ASTN2: variants seen among roughly 807,000 people sequenced by gnomAD.
The protein encoded by ASTN2 is astrotactin 2.
Under a neutral mutation model 139.8 loss-of-function variants are expected in ASTN2, and 54 were observed. The observed-to-expected ratio is 0.39, with a 90% CI of 0.31 to 0.48. The LOEUF is 0.48. Ranked by LOEUF, ASTN2 falls within the 20% of genes least tolerant of loss-of-function variation. The pLI is 0.95. For synonymous variants in ASTN2, 756 were observed against 719.5 expected (o/e 1.05, Z -0.81); for missense variants, 1,565 against 1,725.1 (o/e 0.91, Z 1.64).
At chr9:116,683,974 T>C (rs1488169187) in intron 16 of ASTN2, among the ~76,000 whole-genome samples, 2 of 152,204 alleles carry the variant, frequency 1.3e-5, no homozygotes, top group African/African-American at 4.8e-5. Flanking sequence ...CCTCAGACCT[T>C]GTCTATAGTC....
intron 17 of ASTN2, among the ~76,000 whole-genome samples, chr9:116,624,634 C>T (rs1014677099): frequency 2.6e-5 from 4 of 152,100 alleles, no homozygotes; most frequent in Non-Finnish European, 5.9e-5. Flanking sequence ...AATTAAATTC[C>T]ACACTCTATA....
At chr9:117,230,667 G>T (rs1260127927) in intron 2 of ASTN2, among the ~76,000 whole-genome samples, 1 of 152,156 alleles carries the variant, frequency 6.6e-6, no homozygotes. Context: ...GCAACCCATA[G>T]TAAGTGAACC....
intron 6 of ASTN2, among the ~76,000 whole-genome samples, chr9:117,026,757 T>C (rs1046562635): frequency 1.3e-5 from 2 of 152,148 alleles, no homozygotes; most frequent in African/African-American, 4.8e-5. Flanking sequence ...TACTGGGGAT[T>C]ACAAAGGAAC....
At chr9:117,034,241 C>A (rs147436783) in intron 6 of ASTN2, among the ~76,000 whole-genome samples, 267 of 152,244 alleles carry the variant, frequency 1.8e-3, no homozygotes, top group African/African-American at 6.2e-3. Flanking sequence ...CATTGGGAAC[C>A]TCAGTAGATG....
At chr9:117,353,898 T>A (rs1436135890) in intron 1 of ASTN2, among the ~76,000 whole-genome samples, 1 of 152,092 alleles carries the variant, frequency 6.6e-6, no homozygotes, top group Non-Finnish European at 1.5e-5. Flanking sequence ...TGGGTTAGCA[T>A]GAAGGGAAGG....
intron 5 of ASTN2, among the ~76,000 whole-genome samples, chr9:117,068,322 A>G (rs374642579): frequency 1.5e-5 from 1 of 65,230 alleles, no homozygotes; most frequent in Admixed American, 1.5e-4. Flanking sequence ...ATTGATTTGC[A>G]TATATTGAAC....
At chr9:117,411,663 G>A (rs1831164847) in intron 1 of ASTN2, among the ~76,000 whole-genome samples, 1 of 152,050 alleles carries the variant, frequency 6.6e-6, no homozygotes, top group Non-Finnish European at 1.5e-5. Flanking sequence ...TTTAATACCA[G>A]GGATGGTTTA....
At chr9:116,788,769 AT>A (rs571309477) in intron 13 of ASTN2, among the ~76,000 whole-genome samples, 11 of 152,010 alleles carry the variant, frequency 7.2e-5, no homozygotes, top group South Asian at 6.2e-4. Context: ...ATTCAATCCT[AT>A]TTTTTTTCTA....
intron 3 of ASTN2, among the ~76,000 whole-genome samples, chr9:117,195,753 A>C (rs982180215): frequency 9.2e-5 from 14 of 152,164 alleles, no homozygotes; most frequent in Admixed American, 3.9e-4. Flanking sequence ...AGGGGGTGTC[A>C]GAAGGGTGAG....
At chr9:116,863,853 TAATC>T (rs904106431) in intron 10 of ASTN2, 120 bp from the exon 11 acceptor site, 58 of 1,093,220 alleles carry the variant, frequency 5.3e-5, no homozygotes, top group Middle Eastern at 4.6e-4. Context: ...AAAACAATAA[TAATC>T]AATATTATAA....
chr9:116,733,899 G>A (rs1828853354), intron 13 of ASTN2, among the ~76,000 whole-genome samples: 1 of 152,116 alleles, frequency 6.6e-6, no homozygotes, highest in Admixed American at 6.6e-5. Flanking sequence ...AACTGTATGT[G>A]GCCGCTAAAT....
chr9:116,813,941 CAGG>C (rs1831235027), intron 12 of ASTN2, among the ~76,000 whole-genome samples: 1 of 150,092 alleles, frequency 6.7e-6, no homozygotes, highest in African/African-American at 2.5e-5. Flanking sequence ...AAGGCTGAGG[CAGG>C]AGAATTGTTT....
intron 3 of ASTN2, among the ~76,000 whole-genome samples, chr9:117,213,345 A>G (rs1832203375): frequency 6.6e-6 from 1 of 152,214 alleles, no homozygotes; most frequent in South Asian, 2.1e-4. Context: ...ATTAAAGGAA[A>G]TAAAATTACA....
chr9:116,803,510 ATATATATATATATTTTTTTTTTT>A (rs1830940730), intron 13 of ASTN2, among the ~76,000 whole-genome samples: 2 of 7,288 alleles, frequency 2.7e-4, no homozygotes, highest in Admixed American at 2.4e-3. Context: ...ATATATATAT[ATATATATATATATTTTTTTTTTT>A]TTTTTTTTTT....
intron 10 of ASTN2, among the ~76,000 whole-genome samples, chr9:116,954,328 T>G (rs1301822614): frequency 6.6e-6 from 1 of 152,226 alleles, no homozygotes; most frequent in Non-Finnish European, 1.5e-5. Flanking sequence ...TAATATTGAA[T>G]GTGCAACTAA....
intron 1 of ASTN2, among the ~76,000 whole-genome samples, chr9:117,327,905 T>A: frequency 6.6e-6 from 1 of 152,340 alleles, no homozygotes; most frequent in East Asian, 1.9e-4. Flanking sequence ...CTCAATCATT[T>A]CAGAGCCAAC....
At chr9:116,838,062 G>A (rs1832059780) in intron 11 of ASTN2, among the ~76,000 whole-genome samples, 1 of 151,884 alleles carries the variant, frequency 6.6e-6, no homozygotes, top group South Asian at 2.1e-4. Context: ...GCATGTGAAT[G>A]GCTCTCCAGA....
intron 19 of ASTN2, among the ~76,000 whole-genome samples, chr9:116,601,761 G>C (rs1288986232): frequency 6.6e-6 from 1 of 152,208 alleles, no homozygotes; most frequent in African/African-American, 2.4e-5. Context: ...TTTTGAATGT[G>C]TTGAGTTTGA....
intron 21 of ASTN2, 29 bp from the exon 22 acceptor site, chr9:116,440,821 C>A: frequency 6.3e-7 from 1 of 1,593,448 alleles, no homozygotes; most frequent in Non-Finnish European, 8.6e-7. Flanking sequence ...AGAAACAGAT[C>A]ACTGGGTGGT....
Sources: allele counts gnomAD v4.1 joint callset (sites outside exome capture counted in the v4.1 genomes callset), GRCh38; gene constraint gnomAD v4.1.1; transcripts MANE v1.5; gene names NCBI Gene and HGNC (gene_info 2026-07-23, HGNC 2026-07-21).